C6orf58: variants seen among roughly 807,000 people sequenced by gnomAD.
C6orf58 encodes the protein protein LEG1 homolog.
Under a neutral mutation model 37.0 loss-of-function variants are expected in C6orf58, and 30 were observed. That is an observed-to-expected ratio of 0.81 (90% CI 0.61 to 1.10). The LOEUF is 1.10. Among genes scored for constraint, C6orf58 ranks in the 50% least tolerant of loss-of-function variants. C6orf58 has a pLI of 0.00. For synonymous variants in C6orf58, 143 were observed against 134.1 expected (o/e 1.07, Z -0.46); for missense variants, 368 against 387.5 (o/e 0.95, Z 0.42).
chr6:127,582,718 T>C (rs1394955691), intron 4 of C6orf58, among the ~76,000 whole-genome samples: 1 of 152,212 alleles, frequency 6.6e-6, no homozygotes. Context: ...TACCTGCTGG[T>C]AAATTCCTCT....
At chr6:127,582,260 G>T (rs1775057959) in intron 4 of C6orf58, among the ~76,000 whole-genome samples, 1 of 152,182 alleles carries the variant, frequency 6.6e-6, no homozygotes, top group African/African-American at 2.4e-5. Flanking sequence ...AGACTCTGGG[G>T]AGGTTAAGGT....
At chr6:127,580,570 A>G (rs1775038817) in intron 3 of C6orf58, 121 bp downstream of exon 3, 13 of 665,818 alleles carry the variant, frequency 2.0e-5, no homozygotes, top group Non-Finnish European at 3.4e-5. Flanking sequence ...ATTGCTATGC[A>G]TGATATATTA....
rs762521219 is a variant in C6orf58 at position 127,578,682 on chromosome 6, C to T, written c.302-4C>T. 6.2e-7 allele frequency: 1 copy of T among 1,609,242 alleles called. No homozygotes were observed. Among genetic ancestry groups the T allele is most frequent in the African/African-American group, 1.3e-5 (1 of 74,818 alleles). ...AATACGACTGTGCATCCTCTCTCCT[C>T]CAGGCAGATTAGCTGATCCAACCCG... On this transcript the variant is annotated splice_region_variant and splice_polypyrimidine_tract_variant and intron_variant, in intron 1 of 5. Coordinates refer to ENST00000329722, the MANE Select transcript of C6orf58 (RefSeq NM_001010905.3).
intron 1 of C6orf58, 117 bp from the exon 2 acceptor site, chr6:127,578,569 A>G: frequency 1.6e-6 from 1 of 620,944 alleles, no homozygotes; most frequent in South Asian, 2.4e-5. Flanking sequence ...ACAAACACAT[A>G]TCATTCAGAA....
At chr6:127,589,696 AAC>A (rs1392148112) in intron 4 of C6orf58, among the ~76,000 whole-genome samples, 6 of 152,204 alleles carry the variant, frequency 3.9e-5, no homozygotes, top group South Asian at 2.1e-4. Context: ...TTAAGAAATC[AAC>A]AGTTTCACAA....
intron 4 of C6orf58, among the ~76,000 whole-genome samples, chr6:127,589,350 A>G (rs1009044995): frequency 6.6e-6 from 1 of 152,230 alleles, no homozygotes; most frequent in Non-Finnish European, 1.5e-5. Context: ...CTCAGGGAGA[A>G]CAAGTCTGTT....
chr6:127,578,012 A>C (rs889989858), intron 1 of C6orf58, among the ~76,000 whole-genome samples: 1 of 152,186 alleles, frequency 6.6e-6, no homozygotes, highest in East Asian at 1.9e-4. Context: ...TAAAATATAC[A>C]TGAATTGAAA....
chr6:127,583,630 TTG>T (rs2114294971), intron 4 of C6orf58, among the ~76,000 whole-genome samples: 1 of 152,118 alleles, frequency 6.6e-6, no homozygotes, highest in East Asian at 1.9e-4. Flanking sequence ...ATCCCTGAAG[TTG>T]TGCTGCAAAA....
intron 5 of C6orf58, 41 bp downstream of exon 5, chr6:127,590,366 G>A: frequency 1.7e-6 from 2 of 1,207,866 alleles, no homozygotes; most frequent in Non-Finnish European, 2.4e-6. Context: ...TCAGTATTAT[G>A]TTGAACAAAT....
chr6:127,591,753 T>G lies in C6orf58; in HGVS notation c.*131T>G. The G allele has an allele frequency of 1.2e-6, 1 of 813,260 alleles. No individual in the cohort carries two copies. Among genetic ancestry groups the G allele is most frequent in the Non-Finnish European group, 1.7e-6 (1 of 595,578 alleles). 50.4% of individuals were successfully genotyped at this position (813,260 alleles called of 1,614,324 possible). A position where few individuals can be genotyped will look rare whatever the true frequency, so the allele number is the denominator to read the frequency against. On this transcript the variant is annotated 3_prime_UTR_variant, in exon 6 of 6. Coordinates refer to ENST00000329722, the MANE Select transcript of C6orf58 (RefSeq NM_001010905.3). ...TTTATTCTTTCTGATATTTTTGATT[T>G]ATGCTTATTTGTTAAGATCTTGTAC...
intron 4 of C6orf58, among the ~76,000 whole-genome samples, chr6:127,587,437 A>T (rs1459512603): frequency 1.3e-5 from 2 of 152,200 alleles, no homozygotes; most frequent in African/African-American, 4.8e-5. Flanking sequence ...GGCAATTTGA[A>T]TATTTTCAAA....
chr6:127,583,810 G>A (rs560562443), intron 4 of C6orf58, among the ~76,000 whole-genome samples: 113 of 152,312 alleles, frequency 7.4e-4, no homozygotes, highest in African/African-American at 2.5e-3. Flanking sequence ...TTGGCAAAAT[G>A]CATTGAAGCC....
intron 2 of C6orf58, 131 bp downstream of exon 2, chr6:127,578,903 T>G (rs1775018580): frequency 3.0e-6 from 2 of 662,264 alleles, no homozygotes; most frequent in Non-Finnish European, 5.3e-6. Flanking sequence ...TATTTCACCG[T>G]GTACCTTATG....
chr6:127,577,918 A>G (rs1583126802), intron 1 of C6orf58, among the ~76,000 whole-genome samples: 1 of 152,178 alleles, frequency 6.6e-6, no homozygotes, highest in East Asian at 1.9e-4. Context: ...CACATTGTTC[A>G]TGAAGATCTT....
At chr6:127,585,974 C>T (rs1047424150) in intron 4 of C6orf58, among the ~76,000 whole-genome samples, 1 of 152,134 alleles carries the variant, frequency 6.6e-6, no homozygotes, top group African/African-American at 2.4e-5. Flanking sequence ...ACCAAAAGCA[C>T]ATTTTACCTG....
At chr6:127,581,356 C>A in intron 4 of C6orf58, 74 bp downstream of exon 4, 1 of 575,234 alleles carries the variant, frequency 1.7e-6, no homozygotes. Flanking sequence ...TATTTTTCTT[C>A]TTCTTCTAGA....
At chr6:127,586,441 C>T (rs947192878) in intron 4 of C6orf58, among the ~76,000 whole-genome samples, 1 of 151,982 alleles carries the variant, frequency 6.6e-6, no homozygotes, top group Non-Finnish European at 1.5e-5. Context: ...GCAGGCTCCT[C>T]CCCTGTGTAA....
In C6orf58 at chr6:127,590,265, G is replaced by A; in HGVS notation, c.853G>A (p.Ala285Thr). 1 of 1,613,340 alleles carries A rather than the reference G, an allele frequency of 6.2e-7. No homozygotes were observed. Among genetic ancestry groups the A allele is most frequent in the South Asian group, 1.1e-5 (1 of 91,070 alleles). ...AGCCCCTTTCATCAGTGACTTTACTGCTTTTCAGAATGTAGTCCTGGTTCT... is the reference window on the plus strand; with the variant it reads ...AGCCCCTTTCATCAGTGACTTTACTACTTTTCAGAATGTAGTCCTGGTTCT... ...DVAPFISDFT[A>T]FQNVVLVLLN... Residue 285 changes from alanine (A) to threonine (T), a missense_variant, in exon 5 of 6, where the codon GCT becomes ACT. Transcript: ENST00000329722.
At chr6:127,579,619 A>T (rs1399094251) in intron 2 of C6orf58, among the ~76,000 whole-genome samples, 6 of 152,114 alleles carry the variant, frequency 3.9e-5, no homozygotes, top group African/African-American at 1.4e-4. Context: ...AATCAGTATA[A>T]GCCTAATATC....
Sources: allele counts gnomAD v4.1 joint callset (sites outside exome capture counted in the v4.1 genomes callset), GRCh38; gene constraint gnomAD v4.1.1; transcripts MANE v1.5; gene names NCBI Gene and HGNC (gene_info 2026-07-23, HGNC 2026-07-21).